ERC2: variants seen among roughly 807,000 people sequenced by gnomAD.
The protein encoded by ERC2 is ELKS/RAB6-interacting/CAST family member 2.
ERC2 carries 42 observed loss-of-function variants against 114.8 expected under a neutral mutation model. That is an observed-to-expected ratio of 0.37 (90% CI 0.29 to 0.47). ERC2 has a LOEUF of 0.47. Among genes scored for constraint, ERC2 ranks in the 20% least tolerant of loss-of-function variants. The probability of loss-of-function intolerance (pLI) is 0.99; values close to 1 mark genes in which losing one functional copy is unlikely to be tolerated. For missense variants in ERC2, 939 were observed against 1,150.7 expected, an observed-to-expected ratio of 0.82 and a Z score of 2.66; for synonymous variants, 454 against 425.5, an observed-to-expected ratio of 1.07 and a Z score of -0.82.
At chr3:56,175,321 A>G (rs2082916744) in intron 3 of ERC2, among the ~76,000 whole-genome samples, 1 of 152,184 alleles carries the variant, frequency 6.6e-6, no homozygotes, top group Admixed American at 6.5e-5. Flanking sequence ...ACTATTCAAA[A>G]TGCTCTCACA....
At chr3:56,205,757 G>A (rs1253867138) in intron 3 of ERC2, among the ~76,000 whole-genome samples, 1 of 152,134 alleles carries the variant, frequency 6.6e-6, no homozygotes, top group African/African-American at 2.4e-5. Context: ...GAGAGCACTG[G>A]GCAGCAAATC....
intron 14 of ERC2, among the ~76,000 whole-genome samples, chr3:55,770,831 T>C (rs2068146563): frequency 6.6e-6 from 1 of 151,564 alleles, no homozygotes; most frequent in Admixed American, 6.6e-5. Context: ...TTGTGTGATG[T>C]TCCCCTCCCT....
At chr3:55,599,299 T>G (rs56941959) in intron 17 of ERC2, among the ~76,000 whole-genome samples, 4,964 of 152,168 alleles carry the variant, frequency 0.033, 274 homozygotes, top group African/African-American at 0.11. Flanking sequence ...CTGCAACACA[T>G]CCTATGAAGC....
intron 2 of ERC2, among the ~76,000 whole-genome samples, chr3:56,314,138 G>A (rs1028045333): frequency 1.3e-5 from 2 of 152,082 alleles, no homozygotes; most frequent in African/African-American, 4.8e-5. Flanking sequence ...GACAGTCTGG[G>A]GCCAAAAGCC....
At chr3:56,312,594 T>C (rs1044647298) in intron 2 of ERC2, among the ~76,000 whole-genome samples, 1 of 152,160 alleles carries the variant, frequency 6.6e-6, no homozygotes, top group Non-Finnish European at 1.5e-5. Context: ...ATAAATATGT[T>C]AAATGCTATG....
intron 17 of ERC2, chr3:55,606,973 CAATGAAAAT>C (rs1427909591): frequency 6.6e-6 from 1 of 152,388 alleles, no homozygotes; most frequent in African/African-American, 2.4e-5. Context: ...TCATCTGGGA[CAATGAAAAT>C]TATGAAAATT....
Position 55,601,695 on chromosome 3 carries a change from G to A in ERC2, c.*39+82099C>T, listed in dbSNP as rs574735806. Among the ~76,000 whole-genome samples the A allele has an allele frequency of 5.3e-5, 8 of 152,302 alleles. No homozygotes were observed. The South Asian group carries it at 1.0e-3, about 20-fold the overall frequency. On this transcript the variant is annotated intron_variant, in intron 17 of 17. Coordinates refer to ENST00000288221, the MANE Select transcript of ERC2 (RefSeq NM_015576.3). ...GATAAAGAGCCGGGGAGCCGGGTGC[G>A]GTGGTTTATGTCTGTAAGCACTTTG...
At chr3:55,604,552 TG>T (rs1183447264) in intron 17 of ERC2, among the ~76,000 whole-genome samples, 2 of 152,124 alleles carry the variant, frequency 1.3e-5, no homozygotes, top group East Asian at 3.9e-4. Flanking sequence ...CAGTGCAGCA[TG>T]GCACGGCACT....
intron 14 of ERC2, among the ~76,000 whole-genome samples, chr3:55,757,389 G>C (rs1161645424): frequency 6.6e-6 from 1 of 152,140 alleles, no homozygotes. Context: ...TTTTAGGTGA[G>C]GAGGTGAGTA....
At chr3:55,565,713 C>A (rs570561803) in intron 17 of ERC2, among the ~76,000 whole-genome samples, 1 of 152,166 alleles carries the variant, frequency 6.6e-6, no homozygotes, top group Non-Finnish European at 1.5e-5. Context: ...CTTTGGCAAC[C>A]AAAACCACAT....
At chr3:56,416,721 T>C (rs2061176601) in intron 2 of ERC2, among the ~76,000 whole-genome samples, 1 of 151,738 alleles carries the variant, frequency 6.6e-6, no homozygotes, top group Admixed American at 6.6e-5. Context: ...GTTTTACCCT[T>C]GGTCTTCCCC....
intron 6 of ERC2, among the ~76,000 whole-genome samples, chr3:56,133,452 T>A (rs1222450625): frequency 6.6e-6 from 1 of 151,832 alleles, no homozygotes; most frequent in African/African-American, 2.4e-5. Context: ...AATAATAAAA[T>A]AAAATAAAAC....
intron 3 of ERC2, among the ~76,000 whole-genome samples, chr3:56,220,346 G>A (rs2049819281): frequency 6.6e-6 from 1 of 152,144 alleles, no homozygotes; most frequent in South Asian, 2.1e-4. Flanking sequence ...ACAGAAAAAT[G>A]GTTTTGGAAA....
intron 15 of ERC2, among the ~76,000 whole-genome samples, chr3:55,700,932 A>G (rs1045920520): frequency 6.6e-5 from 10 of 152,166 alleles, no homozygotes; most frequent in Admixed American, 4.6e-4. Context: ...ATTTTGAGGG[A>G]TGCTGCCATC....
At position 56,007,269 on chromosome 3, in the gene ERC2, A is replaced by T; in HGVS notation, c.1973T>A (p.Leu658Gln). 6.3e-7 allele frequency: 1 copy of T among 1,595,788 alleles called. No homozygotes were observed. The highest frequency in any genetic ancestry group is 1.3e-5 in the African/African-American group (1 of 74,782). ...AGATTTTAATTTGGAATCCCTTTTC[A>T]GCCCCGCAGAGGCTAATGAAGATGC... ...EHASSLASAG[L>Q]KRDSKLKSLE... is the part of the protein sequence containing the mutation. Residue 658 changes from leucine to glutamine, a missense_variant, in exon 10 of 18, where the codon CTG becomes CAG. Coordinates refer to ENST00000288221, the MANE Select transcript of ERC2 (RefSeq NM_015576.3).
At chr3:55,808,048 T>G (rs1019946809) in intron 14 of ERC2, among the ~76,000 whole-genome samples, 1 of 152,164 alleles carries the variant, frequency 6.6e-6, no homozygotes, top group Non-Finnish European at 1.5e-5. Flanking sequence ...GACATCGTCA[T>G]CATTTCAAAA....
intron 6 of ERC2, among the ~76,000 whole-genome samples, chr3:56,096,113 T>C (rs537860795): frequency 1.6e-4 from 24 of 152,184 alleles, no homozygotes; most frequent in Non-Finnish European, 3.4e-4. Context: ...TATAAGGCAC[T>C]AAGAGATAAA....
intron 15 of ERC2, among the ~76,000 whole-genome samples, chr3:55,710,544 A>T (rs557797078): frequency 1.8e-4 from 28 of 152,302 alleles, no homozygotes; most frequent in African/African-American, 6.7e-4. Flanking sequence ...ATTTCAAAAA[A>T]CACTTTCTCT....
chr3:56,091,016 A>G (rs968032436), intron 6 of ERC2, among the ~76,000 whole-genome samples: 4 of 152,146 alleles, frequency 2.6e-5, no homozygotes, highest in Admixed American at 6.6e-5. Flanking sequence ...AAAGCAAGGA[A>G]GTTATTAAAG....
Sources: allele counts gnomAD v4.1 joint callset (sites outside exome capture counted in the v4.1 genomes callset), GRCh38; gene constraint gnomAD v4.1.1; transcripts MANE v1.5; gene names NCBI Gene and HGNC (gene_info 2026-07-23, HGNC 2026-07-21).